NF1: variants seen among roughly 807,000 people sequenced by gnomAD.
NF1 encodes the protein neurofibromin 1.
NF1 carries 122 observed loss-of-function variants against 325.7 expected under a neutral mutation model. The observed-to-expected ratio is 0.37, with a 90% CI of 0.32 to 0.44. NF1 has a LOEUF of 0.44. NF1 is among the 20% of genes least tolerant of loss of function. NF1 has a pLI of 1.00. For missense variants in NF1, 2,140 were observed against 3,415.4 expected (o/e 0.63, Z 9.31); for synonymous variants, 1,091 against 1,186.0 (o/e 0.92, Z 1.65).
chr17:31,139,896 A>C (rs1916091243), intron 1 of NF1, among the ~76,000 whole-genome samples: 1 of 152,228 alleles, frequency 6.6e-6, no homozygotes. Context: ...TGAGATCACC[A>C]AATTATCTGT....
At chr17:31,339,109 G>A (rs1192482600) in intron 46 of NF1, among the ~76,000 whole-genome samples, 2 of 152,122 alleles carry the variant, frequency 1.3e-5, no homozygotes, top group Admixed American at 6.5e-5. Flanking sequence ...GCCAAGTACT[G>A]TTTTAGGCGC....
At chr17:31,320,417 A>T in intron 36 of NF1, 1 of 1,611,218 alleles carries the variant, frequency 6.2e-7, no homozygotes, top group Non-Finnish European at 8.5e-7. Context: ...TTCCAAACCA[A>T]CTCCTAAGCA....
At chr17:31,309,055 A>G (rs2068803567) in intron 36 of NF1, among the ~76,000 whole-genome samples, 2 of 152,320 alleles carry the variant, frequency 1.3e-5, no homozygotes, top group Middle Eastern at 3.4e-3. Flanking sequence ...AGGAAGGTAA[A>G]GGGATCCCTT....
chr17:31,127,727 T>G (rs1454710513), intron 1 of NF1, among the ~76,000 whole-genome samples: 1 of 151,628 alleles, frequency 6.6e-6, no homozygotes, highest in Non-Finnish European at 1.5e-5. Flanking sequence ...CCACCACATC[T>G]GGCCTGTTTT....
rs2151581233 is a variant in NF1 at position 31,356,533 on chromosome 17, C to T, written c.7689C>T (p.Ile2563=). The T allele has an allele frequency of 1.2e-6, 2 of 1,613,764 alleles. No individual in the cohort carries two copies. The highest frequency in any genetic ancestry group is 1.7e-6 in the Non-Finnish European group (2 of 1,179,834). The change falls in exon 52 of 58, where the codon ATC becomes ATT. Residue 2563 remains isoleucine, a synonymous_variant. Transcript: ENST00000358273. ...APKRQEMESG[I]TTPPKMRRVA... ...AAAGGCAAGAAATGGAATCAGGGAT[C>T]ACAACACCCCCCAAAATGAGGAGAG...
chr17:31,200,718 A>C, intron 9 of NF1, 123 bp downstream of exon 9: 1 of 1,141,938 alleles, frequency 8.8e-7, no homozygotes, highest in Non-Finnish European at 1.3e-6. Flanking sequence ...ATAAGTTCAT[A>C]GGACTTGCTT....
At chr17:31,095,455 C>A in intron 1 of NF1, 86 bp downstream of exon 1, 1 of 1,304,816 alleles carries the variant, frequency 7.7e-7, no homozygotes, top group Non-Finnish European at 1.0e-6. Context: ...GGCCGCCTCC[C>A]CCGCGGCTGC....
chr17:31,107,991 G>A (rs1439359455), intron 1 of NF1, among the ~76,000 whole-genome samples: 2 of 151,836 alleles, frequency 1.3e-5, no homozygotes, highest in Non-Finnish European at 2.9e-5. Flanking sequence ...AAAGTAGCTA[G>A]GCGTGGTGGT....
Position 31,229,825 on chromosome 17 carries a change from C to G in NF1, c.2851-10C>G, listed in dbSNP as rs1555614412. On this transcript the variant is annotated splice_polypyrimidine_tract_variant and intron_variant, in intron 21 of 57. Transcript: ENST00000358273. ...ATGGCAAATCATTAATGTATTTGTTCTTTCTTTAGGTTTTATTGACTGATA... is the reference window on the plus strand; with the variant it reads ...ATGGCAAATCATTAATGTATTTGTTGTTTCTTTAGGTTTTATTGACTGATA... 1 of 1,611,498 alleles carries G rather than the reference C, an allele frequency of 6.2e-7. No homozygotes were observed. Among genetic ancestry groups the G allele is most frequent in the Non-Finnish European group, 8.5e-7 (1 of 1,179,534 alleles).
chr17:31,095,004 C>T lies in NF1; in HGVS notation c.-306C>T, dbSNP rs936054021. On this transcript the variant is annotated 5_prime_UTR_variant, in exon 1 of 58. Transcript: ENST00000358273. ...TTCCGGTGGGGTGTCATGGCGGCGT[C>T]TCGGACTGTGATGGCTGTGGGGAGA... 1.8e-6 allele frequency: 1 copy of T among 557,396 alleles called. No homozygotes were observed. The highest frequency in any genetic ancestry group is 3.2e-6 in the Non-Finnish European group (1 of 313,402). 34.5% of individuals were successfully genotyped at this position (557,396 alleles called of 1,614,324 possible).
At chr17:31,281,721 TAAA>T (rs35154893) in intron 36 of NF1, among the ~76,000 whole-genome samples, 1 of 147,666 alleles carries the variant, frequency 6.8e-6, no homozygotes, top group Non-Finnish European at 1.5e-5. Flanking sequence ...TAGGCAAGTT[TAAA>T]AAAAAAAAAT....
intron 8 of NF1, among the ~76,000 whole-genome samples, chr17:31,190,477 A>T (rs2066323934): frequency 6.6e-6 from 1 of 152,182 alleles, no homozygotes; most frequent in Admixed American, 6.5e-5. Flanking sequence ...TATCTAAGAA[A>T]ATATTTTAGC....
At chr17:31,256,043 T>A (rs2067577605) in intron 31 of NF1, among the ~76,000 whole-genome samples, 1 of 152,186 alleles carries the variant, frequency 6.6e-6, no homozygotes, top group Non-Finnish European at 1.5e-5. Context: ...TAATCTATTT[T>A]AAAATAATTA....
chr17:31,294,909 AT>A, intron 36 of NF1: 1 of 1,496,984 alleles, frequency 6.7e-7, no homozygotes, highest in South Asian at 1.1e-5. Context: ...GCTTTCTTGA[AT>A]ACTTAAATAT....
intron 1 of NF1, among the ~76,000 whole-genome samples, chr17:31,143,255 T>TCACA (rs1006113297): frequency 6.6e-6 from 1 of 150,588 alleles, no homozygotes; most frequent in Non-Finnish European, 1.5e-5. Context: ...ACACACACAC[T>TCACA]CACACACACA....
At chr17:31,126,205 A>T (rs1321564965) in intron 1 of NF1, among the ~76,000 whole-genome samples, 1 of 152,122 alleles carries the variant, frequency 6.6e-6, no homozygotes, top group Non-Finnish European at 1.5e-5. Flanking sequence ...AAGAAAAAAA[A>T]ATTATGTATC....
At chr17:31,319,955 T>G (rs2069137236) in intron 36 of NF1, among the ~76,000 whole-genome samples, 1 of 152,094 alleles carries the variant, frequency 6.6e-6, no homozygotes, top group Non-Finnish European at 1.5e-5. Flanking sequence ...TATAAGCATC[T>G]CAACAGATAA....
At chr17:31,144,798 G>A (rs1180338618) in intron 1 of NF1, among the ~76,000 whole-genome samples, 2 of 152,158 alleles carry the variant, frequency 1.3e-5, no homozygotes, top group East Asian at 1.9e-4. Flanking sequence ...CCTTTAAGCC[G>A]TATTTTATTG....
At chr17:31,350,128 T>C in intron 49 of NF1, 55 bp from the exon 50 acceptor site, 2 of 1,601,228 alleles carry the variant, frequency 1.2e-6, no homozygotes, top group African/African-American at 1.3e-5. Flanking sequence ...CATCCTGTTT[T>C]AAGTCACACT....
Sources: gnomAD v4.1 joint callset for allele counts (sites outside exome capture counted in the v4.1 genomes callset) on GRCh38, gnomAD v4.1.1 for gene constraint, MANE v1.5 for transcripts, NCBI Gene and HGNC (gene_info 2026-07-23, HGNC 2026-07-21) for gene names.